The following TMEM51 variants were observed in gnomAD, a reference collection of about 807,000 sequenced individuals.
TMEM51 encodes transmembrane protein 51.
In TMEM51, 8 loss-of-function variants were observed where a neutral mutation model predicts 13.6. The observed-to-expected ratio is 0.59, with a 90% CI of 0.35 to 1.07. The LOEUF is 1.07. Among genes scored for constraint, TMEM51 ranks in the 50% least tolerant of loss-of-function variants. The pLI, the probability that TMEM51 is intolerant of heterozygous loss-of-function variation, is 0.02. For missense variants in TMEM51, 279 were observed against 330.7 expected (o/e 0.84, Z 1.21); for synonymous variants, 147 against 144.4 (o/e 1.02, Z -0.13).
At chr1:15,219,266 G>T in intron 3 of TMEM51, 60 bp from the exon 4 acceptor site, 1 of 1,510,586 alleles carries the variant, frequency 6.6e-7, no homozygotes, top group Non-Finnish European at 8.9e-7. Flanking sequence ...CCATCCCTTT[G>T]GGATTTTGAA....
At chr1:15,217,441 T>C (rs148440099) in intron 3 of TMEM51, among the ~76,000 whole-genome samples, 1 of 152,322 alleles carries the variant, frequency 6.6e-6, no homozygotes, top group East Asian at 1.9e-4. Flanking sequence ...TATGCTGTAT[T>C]GGTCAGGGTT....
At chr1:15,160,909 C>A (rs1642759843) in intron 1 of TMEM51, among the ~76,000 whole-genome samples, 1 of 144,304 alleles carries the variant, frequency 6.9e-6, no homozygotes, top group South Asian at 2.5e-4. Context: ...AGGGATTGTA[C>A]CTTAACAACA....
chr1:15,159,835 C>T (rs1488849039), intron 1 of TMEM51, among the ~76,000 whole-genome samples: 1 of 151,578 alleles, frequency 6.6e-6, no homozygotes, highest in Non-Finnish European at 1.5e-5. Flanking sequence ...CACACCTAGC[C>T]TTCTTCTTTT....
chr1:15,217,135 A>G (rs1038808506), intron 3 of TMEM51, among the ~76,000 whole-genome samples: 1 of 152,204 alleles, frequency 6.6e-6, no homozygotes, highest in Non-Finnish European at 1.5e-5. Flanking sequence ...AGTTTCTTCA[A>G]AAAACTCAAA....
intron 1 of TMEM51, among the ~76,000 whole-genome samples, chr1:15,182,515 G>A (rs1233647795): frequency 6.6e-6 from 1 of 152,198 alleles, no homozygotes; most frequent in Non-Finnish European, 1.5e-5. Context: ...GTGTGACCTT[G>A]AGCAAATAAT....
chr1:15,218,702 C>T (rs1408119580), intron 3 of TMEM51, among the ~76,000 whole-genome samples: 3 of 152,110 alleles, frequency 2.0e-5, no homozygotes, highest in Non-Finnish European at 4.4e-5. Flanking sequence ...CCTCATTGCT[C>T]ATCAGCATGG....
At chr1:15,164,036 G>T (rs1169986049) in intron 1 of TMEM51, among the ~76,000 whole-genome samples, 1 of 151,848 alleles carries the variant, frequency 6.6e-6, no homozygotes, top group Non-Finnish European at 1.5e-5. Context: ...CACCATGTTG[G>T]CCAGGCTGGT....
In TMEM51 at chr1:15,215,237, G is replaced by A; in HGVS notation, c.150G>A (p.Lys50=). The A allele has an allele frequency of 6.2e-7, 1 of 1,614,238 alleles. No homozygotes were observed. Among genetic ancestry groups the A allele is most frequent in the Non-Finnish European group, 8.5e-7 (1 of 1,180,042 alleles). ...AGCCAACAGCTCAGGGCAGCAACAA[G>A]ACCGAGGTGGGTGGCGGCATCCTCA... ...AEKPTAQGSN[K]TEVGGGILKS... is the part of the protein sequence containing the mutation. The change falls in exon 3 of 4, where the codon AAG becomes AAA. Residue 50 remains lysine, a synonymous_variant. Transcript: ENST00000376008.
At chr1:15,217,280 G>A (rs1328292960) in intron 3 of TMEM51, among the ~76,000 whole-genome samples, 1 of 152,176 alleles carries the variant, frequency 6.6e-6, no homozygotes, top group Non-Finnish European at 1.5e-5. Flanking sequence ...TGACCTGGAA[G>A]TTACCATCCC....
chr1:15,158,643 G>A lies in TMEM51; in HGVS notation c.-267+4689G>A, dbSNP rs1278136181. Among the ~76,000 whole-genome samples, 3 of 152,154 alleles carry A rather than the reference G, an allele frequency of 2.0e-5. No individual in the cohort carries two copies. The East Asian group carries it at 5.8e-4, about 29-fold the overall frequency. On this transcript the variant is annotated intron_variant, in intron 1 of 3. Transcript: ENST00000376008. ...AATAGCAAAGATGTGCAGAGAATTT[G>A]TTTCCTAATCGGTGATTCAGGTAGG... is the stretch of plus-strand genomic sequence containing the variant.
intron 1 of TMEM51, among the ~76,000 whole-genome samples, chr1:15,184,548 G>A (rs577612193): frequency 3.9e-5 from 6 of 152,296 alleles, no homozygotes; most frequent in Non-Finnish European, 7.3e-5. Context: ...TGGCTGCTGC[G>A]TAAAGACTTG....
chr1:15,187,302 G>A (rs72642307), intron 1 of TMEM51, among the ~76,000 whole-genome samples: 9,187 of 151,698 alleles, frequency 0.061, 367 homozygotes, highest in Non-Finnish European at 0.094. Context: ...CCTCCCCTGC[G>A]CTTCCACAGG....
At chr1:15,168,532 AC>A in intron 1 of TMEM51, 1 of 1,304,852 alleles carries the variant, frequency 7.7e-7, no homozygotes, top group South Asian at 1.2e-5. Flanking sequence ...AGCTGGTAGA[AC>A]CACTGATTTA....
At chr1:15,166,275 T>G (rs772467881) in intron 1 of TMEM51, among the ~76,000 whole-genome samples, 2 of 152,188 alleles carry the variant, frequency 1.3e-5, no homozygotes, top group Non-Finnish European at 2.9e-5. Flanking sequence ...CTTTGGGAAC[T>G]GTAGAGAGCT....
Position 15,161,778 on chromosome 1 carries a change from A to C in TMEM51, c.-267+7824A>C, listed in dbSNP as rs575179165. Among the ~76,000 whole-genome samples the C allele has an allele frequency of 2.4e-4, 37 of 151,934 alleles. 1 individual carries two copies. Among genetic ancestry groups the C allele is most frequent in the African/African-American group, 9.0e-4 (37 of 41,316 alleles). On this transcript the variant is annotated intron_variant, in intron 1 of 3. Coordinates refer to ENST00000376008, the MANE Select transcript of TMEM51 (RefSeq NM_001136218.2). This position sits in a 1 kb window ranked among gnomAD's most constrained non-coding sequence, Gnocchi z 4.0. Reference sequence around the variant, plus strand: ...ACCCAGTCTTTACTAAAAATACAAAAATTAGCCAGGCATGGTGGCGGGCAC... The same window carrying C: ...ACCCAGTCTTTACTAAAAATACAAACATTAGCCAGGCATGGTGGCGGGCAC...
chr1:15,171,112 GCCACATCCCCCA>G, intron 1 of TMEM51: 1 of 404,840 alleles, frequency 2.5e-6, no homozygotes, highest in Non-Finnish European at 3.8e-6. Flanking sequence ...TCCACCCCCC[GCCACATCCCCCA>G]CCCCCAGTTG....
intron 1 of TMEM51, among the ~76,000 whole-genome samples, chr1:15,164,789 GCTTTTTTTTTTTTTTTC>G (rs1642926605): frequency 8.8e-6 from 1 of 113,404 alleles, no homozygotes; most frequent in Non-Finnish European, 1.8e-5. Context: ...CGGGAGCTTT[GCTTTTTTTTTTTTTTTC>G]CTTTTTTTTT....
At chr1:15,190,751 TTTTTG>T (rs1643905661) in intron 1 of TMEM51, among the ~76,000 whole-genome samples, 1 of 152,038 alleles carries the variant, frequency 6.6e-6, no homozygotes, top group South Asian at 2.1e-4. Flanking sequence ...CCCAAGAGTT[TTTTTG>T]TTTTGTTTTT....
At chr1:15,210,887 G>C (rs1350339200) in intron 2 of TMEM51, among the ~76,000 whole-genome samples, 2 of 152,208 alleles carry the variant, frequency 1.3e-5, no homozygotes, top group African/African-American at 4.8e-5. Flanking sequence ...CAGCTGACCA[G>C]ATGCCCCGCT....
Sources: allele counts gnomAD v4.1 joint callset (sites outside exome capture counted in the v4.1 genomes callset), GRCh38; gene constraint gnomAD v4.1.1; non-coding constraint Gnocchi (gnomAD v3.1); transcripts MANE v1.5; gene names NCBI Gene and HGNC (gene_info 2026-07-23, HGNC 2026-07-21).